Variants in ZNF133 observed in about 807,000 individuals in gnomAD.
ZNF133 encodes zinc finger protein 133.
A neutral mutation model predicts 54.9 loss-of-function variants in ZNF133; 26 were observed. That is an observed-to-expected ratio of 0.47 (90% CI 0.35 to 0.66). The LOEUF is 0.66. Ranked by LOEUF, ZNF133 falls within the 30% of genes least tolerant of loss-of-function variation. The probability of loss-of-function intolerance (pLI) is 0.01; values close to 1 mark genes in which losing one functional copy is unlikely to be tolerated. For synonymous variants in ZNF133, 298 were observed against 320.3 expected, an observed-to-expected ratio of 0.93 and a Z score of 0.74; for missense variants, 653 against 820.8, an observed-to-expected ratio of 0.80 and a Z score of 2.50.
intron 3 of ZNF133, among the ~76,000 whole-genome samples, chr20:18,298,943 C>G (rs1264635733): frequency 5.9e-5 from 9 of 151,934 alleles, no homozygotes; most frequent in Non-Finnish European, 1.3e-4. Context: ...TGGAGACACC[C>G]TACATCAATA....
intron 6 of ZNF133, chr20:18,313,686 C>T (rs1334951212): frequency 2.6e-5 from 4 of 152,172 alleles, no homozygotes; most frequent in Admixed American, 2.0e-4. Context: ...AGTTGCTGGC[C>T]AGAAATAGAA....
chr20:18,310,871 C>T (rs956765832), intron 6 of ZNF133, among the ~76,000 whole-genome samples: 1 of 152,140 alleles, frequency 6.6e-6, no homozygotes, highest in Non-Finnish European at 1.5e-5. Context: ...TGAATATATA[C>T]ATTTTTTGTC....
At chr20:18,303,137 C>A (rs545223054) in intron 3 of ZNF133, among the ~76,000 whole-genome samples, 5 of 152,076 alleles carry the variant, frequency 3.3e-5, no homozygotes, top group South Asian at 2.1e-4. Context: ...ACCTCCACCC[C>A]CCAGGTTCAA....
chr20:18,293,480 G>C (rs1251888294), intron 1 of ZNF133, among the ~76,000 whole-genome samples: 1 of 152,206 alleles, frequency 6.6e-6, no homozygotes, highest in Non-Finnish European at 1.5e-5. Flanking sequence ...AAAGCTGTCT[G>C]GCCTTCTTAG....
chr20:18,296,433 C>G (rs773718807), intron 1 of ZNF133, among the ~76,000 whole-genome samples: 2 of 152,154 alleles, frequency 1.3e-5, no homozygotes, highest in South Asian at 4.1e-4. Context: ...ACTCCATACC[C>G]GTTAAACAAT....
At chr20:18,290,609 T>C (rs1049199335) in intron 1 of ZNF133, among the ~76,000 whole-genome samples, 1 of 149,090 alleles carries the variant, frequency 6.7e-6, no homozygotes, top group African/African-American at 2.5e-5. Context: ...TCCCCCATTG[T>C]TAAAAAAAAA....
chr20:18,309,354 G>A (rs2284897), intron 6 of ZNF133, among the ~76,000 whole-genome samples: 48,940 of 152,122 alleles, frequency 0.32, 9,858 homozygotes, highest in African/African-American at 0.56. Flanking sequence ...AGTTGGATAT[G>A]TAAGTCCATT....
chr20:18,297,890 C>T (rs565033806), intron 1 of ZNF133, 95 bp from the exon 2 acceptor site: 52 of 727,874 alleles, frequency 7.1e-5, no homozygotes, highest in Middle Eastern at 2.4e-4. Context: ...TATGCCACTG[C>T]GCCCCCAGTT....
chr20:18,316,933 T>C lies in ZNF133; in HGVS notation c.*117T>C. 7.8e-7 allele frequency: 1 copy of C among 1,275,878 alleles called. No individual in the cohort carries two copies. Among genetic ancestry groups the C allele is most frequent in the South Asian group, 1.5e-5 (1 of 65,266 alleles). The allele number at this position is 1,275,878 out of a possible 1,614,324, so 79.0% of individuals were successfully genotyped here. Reference sequence around the variant, plus strand: ...ATTTGACTGTTTACTTTCTCCACACTAAGTCTTCTCCATGTTTTGTGGCCT... The same window carrying C: ...ATTTGACTGTTTACTTTCTCCACACCAAGTCTTCTCCATGTTTTGTGGCCT... On this transcript the variant is annotated 3_prime_UTR_variant, in exon 7 of 7. Transcript: ENST00000425686.
Position 18,305,148 on chromosome 20 carries a change from A to G in ZNF133, c.-37A>G, listed in dbSNP as rs2044308563. 1 of 987,122 alleles carries G rather than the reference A, an allele frequency of 1.0e-6. No homozygotes were observed. The allele number at this position is 987,122 out of a possible 1,614,324, so 61.1% of individuals were successfully genotyped here. A position where few individuals can be genotyped will look rare whatever the true frequency, so the allele number is the denominator to read the frequency against. On this transcript the variant is annotated 5_prime_UTR_variant, in exon 4 of 7. Coordinates refer to ENST00000425686, the MANE Select transcript of ZNF133 (RefSeq NM_001352452.2). This position sits in a 1 kb window ranked among gnomAD's most constrained non-coding sequence, Gnocchi z 4.7. ...TGAGCACTCACAGTCTAAGGCTGGA[A>G]GTTTAATGAACTGTTTTCTACATTT...
In ZNF133 at chr20:18,316,765, C is replaced by T. The variant is rs569805949; in HGVS notation, c.1914C>T (p.Pro638=). Residue 638 remains proline (P), a synonymous_variant, in exon 7 of 7, where the codon CCC becomes CCT. Coordinates refer to ENST00000425686, the MANE Select transcript of ZNF133 (RefSeq NM_001352452.2). ...TCCACCACAGACTGCCAGTGCAGCC[C>T]GACCCTGAGCCGTGTGCAGGGCAAC... The part of the protein sequence containing the change: ...TSVHHRLPVQ[P]DPEPCAGQPS... 1.7e-5 allele frequency: 28 copies of T among 1,614,052 alleles called. No individual in the cohort carries two copies. The South Asian group carries it at 2.0e-4, about 11-fold the overall frequency.
In ZNF133 at chr20:18,288,547, C is replaced by G. The variant is rs958769932; in HGVS notation, c.-489C>G. The G allele has an allele frequency of 5.0e-6, 2 of 398,508 alleles. No homozygotes were observed. The highest frequency in any genetic ancestry group is 8.8e-6 in the Non-Finnish European group (2 of 226,112). The allele number at this position is 398,508 out of a possible 1,614,324, so 24.7% of individuals were successfully genotyped here. On this transcript the variant is annotated 5_prime_UTR_variant, in exon 1 of 7. Coordinates refer to ENST00000425686, the MANE Select transcript of ZNF133 (RefSeq NM_001352452.2). The stretch of plus-strand genomic sequence containing the variant: ...TCGGGGTAGTGTAGTCCTGGCGCCC[C>G]GCTGGAGGAGCTCCCCAGCTGGTGG...
At position 18,300,369 on chromosome 20, in the gene ZNF133, T is replaced by C. The variant is rs564614250; in HGVS notation, c.-178+1905T>C. 5.9e-5 allele frequency among the ~76,000 whole-genome samples: 9 copies of C among 152,200 alleles called. No homozygotes were observed. In the South Asian group the frequency reaches 1.9e-3, roughly 32 times the overall value. On this transcript the variant is annotated intron_variant, in intron 3 of 6. Transcript: ENST00000425686. ...GTGAGATGGGAATTTAAAAGTTGCA[T>C]TGAAAAAATCAACCAAAGACAAAAA... is the stretch of plus-strand genomic sequence containing the variant.
In ZNF133 at chr20:18,315,248, G is replaced by A. The variant is rs770550597; in HGVS notation, c.397G>A (p.Ala133Thr). Reference sequence around the variant, plus strand: ...AGGGGACCAGGAGAAGCAGCAACAAGCCTCTGAGGGGAGACCCTGGAGTGA... The same window carrying A: ...AGGGGACCAGGAGAAGCAGCAACAAACCTCTGAGGGGAGACCCTGGAGTGA... ...GPGDQEKQQQ[A>T]SEGRPWSDQA... is the part of the protein sequence containing the mutation. The change falls in exon 7 of 7, where the codon GCC (alanine) becomes ACC (threonine). Residue 133 changes from alanine to threonine, a missense_variant. Coordinates refer to ENST00000425686, the MANE Select transcript of ZNF133 (RefSeq NM_001352452.2). 1 of 1,614,112 alleles carries A rather than the reference G, an allele frequency of 6.2e-7. No individual in the cohort carries two copies. The highest frequency in any genetic ancestry group is 1.1e-5 in the South Asian group (1 of 91,082).
intron 6 of ZNF133, chr20:18,313,261 C>CT (rs2046520729): frequency 6.6e-6 from 1 of 152,154 alleles, no homozygotes; most frequent in Non-Finnish European, 1.5e-5. Context: ...TTTTGTTTTT[C>CT]TTCTGTCACT....
intron 3 of ZNF133, among the ~76,000 whole-genome samples, chr20:18,303,407 C>T (rs192904361): frequency 2.0e-5 from 3 of 152,006 alleles, no homozygotes; most frequent in Non-Finnish European, 4.4e-5. Context: ...CAATGTAATC[C>T]CTATAAAAAT....
intron 6 of ZNF133, chr20:18,306,792 T>C (rs1376660384): frequency 8.0e-7 from 1 of 1,247,368 alleles, no homozygotes; most frequent in Admixed American, 3.0e-5. Context: ...AATAGAGAAA[T>C]TGAAATGGAA....
At chr20:18,299,492 A>G (rs1055834049) in intron 3 of ZNF133, among the ~76,000 whole-genome samples, 1 of 152,200 alleles carries the variant, frequency 6.6e-6, no homozygotes, top group African/African-American at 2.4e-5. Context: ...GATTCCCAGG[A>G]GAAGACAAAA....
intron 1 of ZNF133, among the ~76,000 whole-genome samples, chr20:18,292,628 C>T (rs917014043): frequency 1.3e-5 from 2 of 152,186 alleles, no homozygotes; most frequent in Admixed American, 1.3e-4. Flanking sequence ...TCCTTCCCTG[C>T]TTTATTTCTC....
Sources: gnomAD v4.1 joint callset for allele counts (sites outside exome capture counted in the v4.1 genomes callset) on GRCh38, gnomAD v4.1.1 for gene constraint, Gnocchi (gnomAD v3.1) non-coding constraint, MANE v1.5 for transcripts, NCBI Gene and HGNC (gene_info 2026-07-23, HGNC 2026-07-21) for gene names.